Variants in COL10A1 observed in about 807,000 individuals in gnomAD.
The protein encoded by COL10A1 is collagen type X alpha 1 chain.
COL10A1 carries 10 observed loss-of-function variants against 18.2 expected under a neutral mutation model. The observed-to-expected ratio is 0.55, with a 90% CI of 0.34 to 0.93. COL10A1 has a LOEUF of 0.93. Among genes scored for constraint, COL10A1 ranks in the 40% least tolerant of loss-of-function variants. The pLI is 0.02. For synonymous variants in COL10A1, 330 were observed against 316.6 expected (o/e 1.04, Z -0.45); for missense variants, 897 against 853.5 (o/e 1.05, Z -0.64).
At chr6:116,159,896 T>A (rs1366094906), upstream of COL10A1, among the ~76,000 whole-genome samples, 1 of 152,176 alleles carries the variant, frequency 6.6e-6, no homozygotes, top group African/African-American at 2.4e-5. Context: ...TTGTTTCACT[T>A]AAGATCATGG....
At chr6:116,125,539 C>G (rs760042533) in intron 1 of COL10A1, 32 bp from the exon 2 acceptor site, 15 of 1,590,108 alleles carry the variant, frequency 9.4e-6, no homozygotes, top group Non-Finnish European at 1.3e-5. Context: ...CTTTATACAG[C>G]ATTGTTATTA....
the COL10A1 span, among the ~76,000 whole-genome samples, chr6:116,170,007 A>G: frequency 6.6e-6 from 1 of 152,174 alleles, no homozygotes; most frequent in Admixed American, 6.5e-5. Flanking sequence ...CCATTGGGTA[A>G]TAGAAAGACA....
Position 116,120,727 on chromosome 6 carries a change from A to G in COL10A1, c.1389T>C (p.Pro463=). ...GACTTCCTGGATCCCCTTTAGACCC[A>G]GGGAATCCTGGAATGCCTGGTGGCC... ...PIGPPGIPGF[P]GSKGDPGSPG... Residue 463 remains proline (P), a synonymous_variant, in exon 3 of 3, where the codon CCT becomes CCC. Coordinates refer to ENST00000651968, the MANE Select transcript of COL10A1 (RefSeq NM_000493.4). 1 of 1,586,974 alleles carries G rather than the reference A, an allele frequency of 6.3e-7. No homozygotes were observed.
chr6:116,209,404 AC>A, the COL10A1 span, among the ~76,000 whole-genome samples: 3 of 152,034 alleles, frequency 2.0e-5, no homozygotes, highest in Non-Finnish European at 4.4e-5. Flanking sequence ...ATCCTCTGGT[AC>A]TTGCCTGATA....
chr6:116,203,349 T>A, the COL10A1 span, among the ~76,000 whole-genome samples: 1 of 151,996 alleles, frequency 6.6e-6, no homozygotes, highest in South Asian at 2.1e-4. Context: ...AATAGAGCCC[T>A]GCAGTCCGCC....
intron 1 of COL10A1, among the ~76,000 whole-genome samples, chr6:116,144,338 T>TA (rs1311846555): frequency 6.6e-6 from 1 of 152,004 alleles, no homozygotes; most frequent in Non-Finnish European, 1.5e-5. Context: ...CTGTCTCTAC[T>TA]AAAATACAAA....
chr6:116,188,021 A>G, the COL10A1 span, among the ~76,000 whole-genome samples: 10 of 152,206 alleles, frequency 6.6e-5, no homozygotes, highest in African/African-American at 1.9e-4. Context: ...GCAACCCAGT[A>G]GAAAATGAAC....
chr6:116,126,528 A>G (rs1302804534), upstream of COL10A1, among the ~76,000 whole-genome samples: 1 of 152,194 alleles, frequency 6.6e-6, no homozygotes, highest in Admixed American at 6.5e-5. Flanking sequence ...TGAAGGGGGT[A>G]CTGGATTTAG....
intron 1 of COL10A1, among the ~76,000 whole-genome samples, chr6:116,157,907 G>T (rs756243894): frequency 2.0e-4 from 31 of 152,112 alleles, no homozygotes; most frequent in Non-Finnish European, 4.4e-4. Context: ...TTGAAGTACA[G>T]AAATAAAATG....
chr6:116,146,225 T>G (rs991785816), intron 1 of COL10A1, among the ~76,000 whole-genome samples: 2 of 152,234 alleles, frequency 1.3e-5, no homozygotes, highest in Admixed American at 6.5e-5. Flanking sequence ...ACCTGAGATT[T>G]AAGTCCATTG....
At chr6:116,167,959 A>G in the COL10A1 span, among the ~76,000 whole-genome samples, 1 of 151,810 alleles carries the variant, frequency 6.6e-6, no homozygotes, top group Non-Finnish European at 1.5e-5. Context: ...TCTAGTTTCT[A>G]TTGTTTATGT....
At chr6:116,201,818 T>G in the COL10A1 span, among the ~76,000 whole-genome samples, 1 of 152,046 alleles carries the variant, frequency 6.6e-6, no homozygotes, top group Non-Finnish European at 1.5e-5. Context: ...TGGCATGGTT[T>G]CATGATTATA....
chr6:116,169,678 C>T, the COL10A1 span, among the ~76,000 whole-genome samples: 1 of 152,108 alleles, frequency 6.6e-6, no homozygotes, highest in Non-Finnish European at 1.5e-5. Context: ...ATGGATAAAA[C>T]ATGAGGAATG....
chr6:116,147,455 A>C (rs182240784), intron 1 of COL10A1, among the ~76,000 whole-genome samples: 1 of 152,072 alleles, frequency 6.6e-6, no homozygotes, highest in Non-Finnish European at 1.5e-5. Flanking sequence ...AAAGAAAAAA[A>C]AAATAAAAAG....
the COL10A1 span, among the ~76,000 whole-genome samples, chr6:116,207,765 C>G: frequency 6.6e-6 from 1 of 151,940 alleles, no homozygotes; most frequent in African/African-American, 2.4e-5. Context: ...CAGGTTCCCA[C>G]TGTATTTCTA....
the COL10A1 span, among the ~76,000 whole-genome samples, chr6:116,203,375 G>A: frequency 6.6e-6 from 1 of 151,852 alleles, no homozygotes; most frequent in East Asian, 1.9e-4. Context: ...CTCTCTTCAT[G>A]CTCCCTTCTA....
chr6:116,135,418 C>T (rs1233293378), intron 1 of COL10A1, among the ~76,000 whole-genome samples: 1 of 151,812 alleles, frequency 6.6e-6, no homozygotes, highest in Non-Finnish European at 1.5e-5. Context: ...ACCGCCCCCC[C>T]CACCTTTTTA....
intron 2 of COL10A1, 133 bp from the exon 3 acceptor site, chr6:116,122,094 T>C (rs1380555764): frequency 3.4e-6 from 3 of 887,532 alleles, no homozygotes; most frequent in East Asian, 4.9e-5. Context: ...CAGAACAGTC[T>C]GAAATGGTTT....
chr6:116,138,704 T>C (rs1031596992), intron 1 of COL10A1, among the ~76,000 whole-genome samples: 10 of 152,190 alleles, frequency 6.6e-5, no homozygotes, highest in African/African-American at 2.4e-4. Flanking sequence ...TTTTGAATTA[T>C]TACTAATATA....
Sources: gnomAD v4.1 joint callset for allele counts (sites outside exome capture counted in the v4.1 genomes callset) on GRCh38, gnomAD v4.1.1 for gene constraint, MANE v1.5 for transcripts, NCBI Gene and HGNC (gene_info 2026-07-23, HGNC 2026-07-21) for gene names.